The following SORCS1 variants were observed in gnomAD, a reference collection of about 807,000 sequenced individuals.
The protein encoded by SORCS1 is sortilin related VPS10 domain containing receptor 1.
A neutral mutation model predicts 146.1 loss-of-function variants in SORCS1; 60 were observed. The observed-to-expected ratio is 0.41, with a 90% CI of 0.33 to 0.51. The LOEUF (loss-of-function observed/expected upper bound fraction) is 0.51, where lower values mean the gene tolerates loss of function less well. Ranked by LOEUF, SORCS1 falls within the 20% of genes least tolerant of loss-of-function variation. SORCS1 has a pLI of 0.21. For synonymous variants in SORCS1, 637 were observed against 584.0 expected (o/e 1.09, Z -1.31); for missense variants, 1,352 against 1,487.6 (o/e 0.91, Z 1.50).
intron 6 of SORCS1, among the ~76,000 whole-genome samples, chr10:106,716,883 C>A (rs1193330021): frequency 6.6e-6 from 1 of 152,120 alleles, no homozygotes; most frequent in Non-Finnish European, 1.5e-5. Flanking sequence ...CACTTGTAAT[C>A]CCCAAACTTT....
intron 11 of SORCS1, 32 bp downstream of exon 11, chr10:106,679,600 A>G: frequency 6.5e-7 from 1 of 1,542,586 alleles, no homozygotes; most frequent in Non-Finnish European, 8.9e-7. Context: ...AACACTATTT[A>G]CCACAGCCAG....
At chr10:106,688,403 T>TA (rs1853035567) in intron 9 of SORCS1, 65 bp from the exon 10 acceptor site, 5 of 1,555,958 alleles carry the variant, frequency 3.2e-6, no homozygotes, top group South Asian at 2.5e-5. Flanking sequence ...GTTTACTTTT[T>TA]AAAAAAAGAA....
At chr10:107,050,818 A>G (rs902729668) in intron 1 of SORCS1, among the ~76,000 whole-genome samples, 1 of 152,142 alleles carries the variant, frequency 6.6e-6, no homozygotes, top group Non-Finnish European at 1.5e-5. Flanking sequence ...GCTCTCTACT[A>G]TGTCAAAGAA....
At chr10:106,655,511 C>A (rs900911871) in intron 17 of SORCS1, among the ~76,000 whole-genome samples, 9 of 152,128 alleles carry the variant, frequency 5.9e-5, no homozygotes, top group African/African-American at 2.2e-4. Flanking sequence ...TCACCACTAG[C>A]ATCATCAGCT....
At chr10:107,163,312 C>G (rs1969846264) in intron 1 of SORCS1, among the ~76,000 whole-genome samples, 2 of 152,220 alleles carry the variant, frequency 1.3e-5, no homozygotes. Context: ...AGAACAACCG[C>G]TCATTCACGG....
chr10:106,695,353 C>T (rs1853617775), intron 9 of SORCS1, among the ~76,000 whole-genome samples: 1 of 152,176 alleles, frequency 6.6e-6, no homozygotes, highest in South Asian at 2.1e-4. Context: ...CACTGGTATG[C>T]AAAGTCTAAC....
At chr10:107,059,508 G>A (rs1281621211) in intron 1 of SORCS1, among the ~76,000 whole-genome samples, 2 of 152,172 alleles carry the variant, frequency 1.3e-5, no homozygotes, top group South Asian at 2.1e-4. Flanking sequence ...CCAGATGACA[G>A]AAGAGATGCA....
intron 2 of SORCS1, among the ~76,000 whole-genome samples, chr10:106,915,922 G>A (rs1201505444): frequency 6.6e-6 from 1 of 152,174 alleles, no homozygotes; most frequent in Non-Finnish European, 1.5e-5. Flanking sequence ...AAACTTCTAG[G>A]AGAAAGCCAA....
intron 2 of SORCS1, among the ~76,000 whole-genome samples, chr10:106,927,058 T>G (rs1389133200): frequency 6.6e-6 from 1 of 152,034 alleles, no homozygotes; most frequent in African/African-American, 2.4e-5. Context: ...TGGATGAGAG[T>G]GACAGGATAG....
At chr10:106,821,020 T>A (rs1263438272) in intron 3 of SORCS1, among the ~76,000 whole-genome samples, 3 of 152,166 alleles carry the variant, frequency 2.0e-5, no homozygotes, top group Non-Finnish European at 4.4e-5. Context: ...AATAAATAAA[T>A]AATTAGACAG....
chr10:107,112,809 C>A (rs757783024), intron 1 of SORCS1, among the ~76,000 whole-genome samples: 1 of 152,048 alleles, frequency 6.6e-6, no homozygotes, highest in Non-Finnish European at 1.5e-5. Flanking sequence ...ATGATGATAA[C>A]AATTGTAAAT....
In SORCS1 at chr10:106,841,343, G is replaced by A. The variant is rs556968589; in HGVS notation, c.627-11670C>T. On this transcript the variant is annotated intron_variant, in intron 2 of 25. Transcript: ENST00000263054. ...AAACTAGCCTGGTGTGGTGGCATGC[G>A]CCTGTAATCCCAGCTACTCGGGAGG... Among the ~76,000 whole-genome samples the A allele has an allele frequency of 9.9e-5, 15 of 152,006 alleles. No homozygotes were observed. In the South Asian group the frequency reaches 1.7e-3, roughly 17 times the overall value.
At chr10:106,867,997 T>A (rs1012174704) in intron 2 of SORCS1, among the ~76,000 whole-genome samples, 1 of 151,988 alleles carries the variant, frequency 6.6e-6, no homozygotes, top group Non-Finnish European at 1.5e-5. Context: ...AGGCTCAAAA[T>A]AAAGAAATGG....
chr10:106,752,184 G>C (rs113787697), intron 5 of SORCS1, among the ~76,000 whole-genome samples: 68 of 152,198 alleles, frequency 4.5e-4, no homozygotes, highest in African/African-American at 1.6e-3. Flanking sequence ...CATATATAGA[G>C]CTGCAATCTG....
chr10:106,579,098 C>T (rs201969127), intron 25 of SORCS1: 3 of 1,613,800 alleles, frequency 1.9e-6, no homozygotes, highest in Non-Finnish European at 2.5e-6. Flanking sequence ...TACCTATGAG[C>T]TGGGATTCCA....
chr10:106,619,098 A>G (rs1330975621), intron 20 of SORCS1, among the ~76,000 whole-genome samples: 2 of 152,144 alleles, frequency 1.3e-5, no homozygotes, highest in African/African-American at 4.8e-5. Flanking sequence ...AGCCTTTTCA[A>G]TGGGGTCTCT....
chr10:106,603,530 G>A (rs1427004993), intron 23 of SORCS1, among the ~76,000 whole-genome samples: 2 of 152,182 alleles, frequency 1.3e-5, no homozygotes, highest in Non-Finnish European at 1.5e-5. Flanking sequence ...GCTAAGGAAG[G>A]AGGACTGAGA....
At chr10:107,049,620 C>T (rs1382971333) in intron 1 of SORCS1, among the ~76,000 whole-genome samples, 1 of 152,114 alleles carries the variant, frequency 6.6e-6, no homozygotes, top group Non-Finnish European at 1.5e-5. Flanking sequence ...TTTTGTTTTT[C>T]ACTTAGCATT....
upstream of SORCS1, among the ~76,000 whole-genome samples, chr10:107,166,560 C>T (rs1211984309): frequency 6.6e-6 from 1 of 152,210 alleles, no homozygotes; most frequent in African/African-American, 2.4e-5. Flanking sequence ...GTCTGGCAGG[C>T]TATGGCCTCT....
Sources: allele counts gnomAD v4.1 joint callset (sites outside exome capture counted in the v4.1 genomes callset), GRCh38; gene constraint gnomAD v4.1.1; transcripts MANE v1.5; gene names NCBI Gene and HGNC (gene_info 2026-07-23, HGNC 2026-07-21).